Variants in DNM2 observed in about 807,000 individuals in gnomAD.
The protein encoded by DNM2 is dynamin-2.
In DNM2, 15 loss-of-function variants were observed where a neutral mutation model predicts 99.0. The observed-to-expected ratio is 0.15, with a 90% CI of 0.10 to 0.23. DNM2 has a LOEUF of 0.23. Among genes scored for constraint, DNM2 ranks in the 10% least tolerant of loss-of-function variants. The probability of loss-of-function intolerance (pLI) is 1.00; values close to 1 mark genes in which losing one functional copy is unlikely to be tolerated. For synonymous variants in DNM2, 525 were observed against 481.2 expected (o/e 1.09, Z -1.19); for missense variants, 742 against 1,189.4 (o/e 0.62, Z 5.53).
chr19:10,802,193 G>A (rs1447862750), intron 11 of DNM2, 95 bp from the exon 12 acceptor site: 18 of 1,375,840 alleles, frequency 1.3e-5, no homozygotes, highest in Admixed American at 3.4e-5. Context: ...TGGTTCCCAC[G>A]CCTTCCCTGC....
rs35575438 is a variant in DNM2 at position 10,784,819 on chromosome 19, A to ATTTTTT, written c.849+1716_849+1721dup. On this transcript the variant is annotated intron_variant, in intron 6 of 20. Coordinates refer to ENST00000389253, the MANE Select transcript of DNM2 (RefSeq NM_001005361.3). ...GTATTTATTTTTTATTTTTTTGATG[A>ATTTTTT]TTTTTTTTTTTTTTTTTTTTTTGAG... 6.1e-4 allele frequency among the ~76,000 whole-genome samples: 61 copies of ATTTTTT among 99,438 alleles called. 1 individual carries two copies. The highest frequency in any genetic ancestry group is 8.2e-4 in the Non-Finnish European group (44 of 53,732). 65.2% of individuals were successfully genotyped at this position (99,438 alleles called of 152,430 possible).
At chr19:10,758,010 G>A (rs1015067679) in intron 1 of DNM2, among the ~76,000 whole-genome samples, 1 of 148,668 alleles carries the variant, frequency 6.7e-6, no homozygotes, top group Admixed American at 6.7e-5. Context: ...CATTTTGTAT[G>A]AAACAACAGA....
At chr19:10,808,475 G>A in intron 13 of DNM2, 94 bp from the exon 14 acceptor site, 2 of 1,409,616 alleles carry the variant, frequency 1.4e-6, no homozygotes, top group Non-Finnish European at 1.9e-6. Context: ...TGCTTTTCCT[G>A]CTTTTTCTTT....
chr19:10,829,133 G>T lies in DNM2; in HGVS notation c.2156G>T (p.Arg719Leu), dbSNP rs1181350787. The T allele has an allele frequency of 6.2e-7, 1 of 1,613,740 alleles. No homozygotes were observed. The highest frequency in any genetic ancestry group is 1.3e-5 in the African/African-American group (1 of 74,926). ...GAGTCGGCTGACCAGGCACAGCGGC[G>T]GGACGACATGCTGCGCATGTACCAT... Reference protein sequence around the residue: ...MEESADQAQRRDDMLRMYHAL... With the variant: ...MEESADQAQRLDDMLRMYHAL... Residue 719 changes from arginine (R) to leucine (L), a missense_variant, in exon 19 of 21, where the codon CGG becomes CTG. Transcript: ENST00000389253.
chr19:10,795,957 C>T lies in DNM2; in HGVS notation c.1196+518C>T, dbSNP rs968900569. On this transcript the variant is annotated intron_variant, in intron 9 of 20. Transcript: ENST00000389253. The surrounding 1 kb of genome is among the most constrained non-coding windows in gnomAD (Gnocchi z 4.2). Reference sequence around the variant, plus strand: ...GCATCCGACCCCACACATGACACAACCTTCATTCCTTGTTGGGGACCCGGC... The same window carrying T: ...GCATCCGACCCCACACATGACACAATCTTCATTCCTTGTTGGGGACCCGGC... 2.2e-4 allele frequency: 351 copies of T among 1,584,850 alleles called. No homozygotes were observed. The highest frequency in any genetic ancestry group is 2.7e-4 in the Non-Finnish European group (311 of 1,164,404).
chr19:10,737,734 C>T (rs2069580760), intron 1 of DNM2, among the ~76,000 whole-genome samples: 1 of 152,212 alleles, frequency 6.6e-6, no homozygotes, highest in Admixed American at 6.5e-5. Flanking sequence ...ATCTGCCAGC[C>T]TTGGCCTCCC....
chr19:10,780,609 T>C (rs1012674280), intron 5 of DNM2, among the ~76,000 whole-genome samples: 4 of 152,154 alleles, frequency 2.6e-5, no homozygotes, highest in African/African-American at 9.7e-5. Context: ...CCTGGCGTAC[T>C]AATGACTCAC....
Position 10,725,695 on chromosome 19 carries a change from C to T in DNM2, c.161+7292C>T, listed in dbSNP as rs566697505. 3.3e-5 allele frequency among the ~76,000 whole-genome samples: 5 copies of T among 152,244 alleles called. No individual in the cohort carries two copies. In the South Asian group the frequency reaches 1.0e-3, roughly 32 times the overall value. Reference sequence around the variant, plus strand: ...AATCACGTAGCAAATTGTTGTGAAACAGGCAGCATTTGTGATCTCGTTGGT... The same window carrying T: ...AATCACGTAGCAAATTGTTGTGAAATAGGCAGCATTTGTGATCTCGTTGGT... On this transcript the variant is annotated intron_variant, in intron 1 of 20. Coordinates refer to ENST00000389253, the MANE Select transcript of DNM2 (RefSeq NM_001005361.3).
At chr19:10,746,983 C>T (rs569285719) in intron 1 of DNM2, among the ~76,000 whole-genome samples, 6 of 151,576 alleles carry the variant, frequency 4.0e-5, no homozygotes, top group South Asian at 2.1e-4. Flanking sequence ...GTGATCTGCC[C>T]GCCTCGGCCC....
chr19:10,740,461 C>T (rs535500504), intron 1 of DNM2, among the ~76,000 whole-genome samples: 283 of 152,046 alleles, frequency 1.9e-3, no homozygotes, highest in African/African-American at 4.7e-3. Context: ...CTGCAAGCTC[C>T]GCCTCCCAGG....
intron 12 of DNM2, 108 bp downstream of exon 12, chr19:10,802,466 C>A: frequency 7.7e-7 from 1 of 1,290,428 alleles, no homozygotes; most frequent in Non-Finnish European, 1.1e-6. Flanking sequence ...CAGACAGTCT[C>A]TGTCGGGGGT....
chr19:10,718,287 A>G lies in DNM2; in HGVS notation c.45A>G (p.Lys15=), dbSNP rs2145637652. Reference sequence around the variant, plus strand: ...AAGAGCTGATCCCGCTGGTCAACAAACTGCAGGACGCCTTCAGCTCCATCG... The same window carrying G: ...AAGAGCTGATCCCGCTGGTCAACAAGCTGCAGGACGCCTTCAGCTCCATCG... The part of the protein sequence containing the change: ...GMEELIPLVN[K]LQDAFSSIGQ... The change falls in exon 1 of 21, where the codon AAA becomes AAG. Residue 15 remains lysine (K), a synonymous_variant. Coordinates refer to ENST00000389253, the MANE Select transcript of DNM2 (RefSeq NM_001005361.3). 6.7e-7 allele frequency: 1 copy of G among 1,499,938 alleles called. No homozygotes were observed. Among genetic ancestry groups the G allele is most frequent in the African/African-American group, 1.4e-5 (1 of 69,288 alleles). 92.9% of individuals were successfully genotyped at this position (1,499,938 alleles called of 1,614,324 possible).
At chr19:10,754,320 A>C (rs2070309156) in intron 1 of DNM2, among the ~76,000 whole-genome samples, 1 of 148,768 alleles carries the variant, frequency 6.7e-6, no homozygotes. Flanking sequence ...CAGTGGCGCT[A>C]TCTCAGCTCA....
At chr19:10,760,827 A>AGTTTTTTTTTTTTTTT (rs2070599969) in intron 2 of DNM2, among the ~76,000 whole-genome samples, 1 of 41,268 alleles carries the variant, frequency 2.4e-5, no homozygotes, top group African/African-American at 9.4e-5. Flanking sequence ...CACCCAGCTG[A>AGTTTTTTTTTTTTTTT]TTTTTTTTTT....
At chr19:10,774,247 G>A (rs141396361) in intron 3 of DNM2, among the ~76,000 whole-genome samples, 175 of 152,292 alleles carry the variant, frequency 1.1e-3, no homozygotes, top group African/African-American at 4.1e-3. Flanking sequence ...CGAGGTTGCA[G>A]TGAGCTATGA....
intron 5 of DNM2, among the ~76,000 whole-genome samples, chr19:10,778,623 G>A (rs1310113759): frequency 6.6e-6 from 1 of 151,772 alleles, no homozygotes; most frequent in African/African-American, 2.4e-5. Context: ...CTACACTCTA[G>A]CCTGCACAAC....
At position 10,812,102 on chromosome 19, in the gene DNM2, A is replaced by G; in HGVS notation, c.1558-162A>G. ...CGCCTCATGTTGGTTTCCTGCTGGA[A>G]ATGCTTGGGACAGGGTGGAACTGGG... On this transcript the variant is annotated intron_variant, in intron 14 of 20. Coordinates refer to ENST00000389253, the MANE Select transcript of DNM2 (RefSeq NM_001005361.3). This position sits in a 1 kb window ranked among gnomAD's most constrained non-coding sequence, Gnocchi z 4.0. 3.3e-6 allele frequency: 2 copies of G among 610,578 alleles called. No individual in the cohort carries two copies. Among genetic ancestry groups the G allele is most frequent in the Non-Finnish European group, 6.0e-6 (2 of 333,202 alleles). 37.8% of individuals were successfully genotyped at this position (610,578 alleles called of 1,614,324 possible).
intron 15 of DNM2, among the ~76,000 whole-genome samples, chr19:10,814,109 A>G (rs1236921880): frequency 6.6e-6 from 1 of 151,810 alleles, no homozygotes; most frequent in Non-Finnish European, 1.5e-5. Flanking sequence ...TGGAGTTTGC[A>G]GGGAGCCGAG....
chr19:10,743,113 C>T (rs754869094), intron 1 of DNM2, among the ~76,000 whole-genome samples: 4 of 151,126 alleles, frequency 2.6e-5, no homozygotes, highest in Non-Finnish European at 5.9e-5. Context: ...ATCATGTTGC[C>T]CAGGCTGGTC....
Sources: allele counts gnomAD v4.1 joint callset (sites outside exome capture counted in the v4.1 genomes callset), GRCh38; gene constraint gnomAD v4.1.1; non-coding constraint Gnocchi (gnomAD v3.1); transcripts MANE v1.5; gene names NCBI Gene and HGNC (gene_info 2026-07-23, HGNC 2026-07-21).